The following CLEC2D variants were observed in gnomAD, a reference collection of about 807,000 sequenced individuals.
CLEC2D encodes the protein C-type lectin related f.
In CLEC2D, 16 loss-of-function variants were observed where a neutral mutation model predicts 20.0. The ratio of observed to expected loss-of-function variants is 0.80; its 90% CI spans 0.54 to 1.22. The LOEUF is 1.22. CLEC2D is among the 50% of genes most tolerant of loss of function. The probability of loss-of-function intolerance (pLI) is 0.00; values close to 1 mark genes in which losing one functional copy is unlikely to be tolerated. For synonymous variants in CLEC2D, 77 were observed against 71.1 expected (o/e 1.08, Z -0.42); for missense variants, 207 against 221.5 (o/e 0.93, Z 0.42).
chr12:9,688,172 A>G, intron 3 of CLEC2D, 86 bp downstream of exon 3: 1 of 1,306,532 alleles, frequency 7.7e-7, no homozygotes. Context: ...GTAGGTTTAG[A>G]CATCTGCTTT....
chr12:9,687,241 T>C (rs12312233), intron 2 of CLEC2D, among the ~76,000 whole-genome samples: 4,046 of 152,206 alleles, frequency 0.027, 194 homozygotes, highest in African/African-American at 0.093. Flanking sequence ...CATCTGTGAG[T>C]GATGGGAGAC....
intron 2 of CLEC2D, among the ~76,000 whole-genome samples, chr12:9,683,358 C>T (rs1865685578): frequency 1.2e-5 from 1 of 85,270 alleles, no homozygotes; most frequent in Non-Finnish European, 2.1e-5. Flanking sequence ...TTTTTTTGTG[C>T]AGAAGCTCTT....
At chr12:9,690,894 C>T (rs1477575101) in intron 3 of CLEC2D, among the ~76,000 whole-genome samples, 1 of 151,978 alleles carries the variant, frequency 6.6e-6, no homozygotes, top group Non-Finnish European at 1.5e-5. Flanking sequence ...AAAAGTAAAT[C>T]TTGTTTTAGT....
At chr12:9,675,546 A>G (rs567134084) in intron 1 of CLEC2D, among the ~76,000 whole-genome samples, 1 of 152,210 alleles carries the variant, frequency 6.6e-6, no homozygotes, top group Non-Finnish European at 1.5e-5. Flanking sequence ...CTGTAGTTTT[A>G]GAGTAAATCA....
chr12:9,685,707 A>C (rs1162220942), intron 2 of CLEC2D, among the ~76,000 whole-genome samples: 16 of 152,086 alleles, frequency 1.1e-4, no homozygotes, highest in Non-Finnish European at 2.4e-4. Flanking sequence ...ACCTCCCCTC[A>C]CCAAGCTTGA....
intron 1 of CLEC2D, among the ~76,000 whole-genome samples, chr12:9,678,243 T>G (rs997534074): frequency 1.3e-5 from 2 of 152,168 alleles, no homozygotes; most frequent in African/African-American, 4.8e-5. Context: ...CCTGATAAAT[T>G]TCCTTGCTTT....
chr12:9,678,060 C>CCG (rs1278278190), intron 1 of CLEC2D, among the ~76,000 whole-genome samples: 2 of 152,122 alleles, frequency 1.3e-5, no homozygotes, highest in Non-Finnish European at 2.9e-5. Context: ...GTTGAAATCT[C>CCG]CAACTATGAT....
intron 2 of CLEC2D, among the ~76,000 whole-genome samples, chr12:9,684,919 T>C (rs1205930532): frequency 6.6e-6 from 1 of 152,214 alleles, no homozygotes; most frequent in Non-Finnish European, 1.5e-5. Flanking sequence ...GAATTCCTTC[T>C]TTTTCTATTG....
In CLEC2D at chr12:9,695,868, T is replaced by TGAA. The variant is rs1865977716; in HGVS notation, c.*996_*997insAGA. On this transcript the variant is annotated 3_prime_UTR_variant, in exon 5 of 5. Transcript: ENST00000290855. ...TTGCTGCTGCTGCTGATGATGATGA[T>TGAA]GATGAAGATGATGATGATGATGATG... The TGAA allele has an allele frequency of 3.8e-6, 4 of 1,057,370 alleles. No individual in the cohort carries two copies. The highest frequency in any genetic ancestry group is 1.6e-5 in the African/African-American group (1 of 62,560). The allele number at this position is 1,057,370 out of a possible 1,614,324, so 65.5% of individuals were successfully genotyped here.
intron 2 of CLEC2D, 70 bp downstream of exon 2, chr12:9,681,103 T>TAACAA: frequency 1.2e-6 from 1 of 857,912 alleles, no homozygotes; most frequent in Non-Finnish European, 1.8e-6. Flanking sequence ...AGAATCTGAA[T>TAACAA]AATTTTGTTA....
Position 9,695,233 on chromosome 12 carries a change from G to A in CLEC2D, c.*359G>A. ...TGGCAGGCAGGGGGACTTGTGCACAGGAACTCCTATTTATACAACCATCAG... is the reference window on the plus strand; with the variant it reads ...TGGCAGGCAGGGGGACTTGTGCACAAGAACTCCTATTTATACAACCATCAG... On this transcript the variant is annotated 3_prime_UTR_variant, in exon 5 of 5. Transcript: ENST00000290855. 3.2e-6 allele frequency: 2 copies of A among 622,548 alleles called. No individual in the cohort carries two copies. Among genetic ancestry groups the A allele is most frequent in the East Asian group, 5.5e-5 (2 of 36,520 alleles). The allele number at this position is 622,548 out of a possible 1,614,324, so 38.6% of individuals were successfully genotyped here.
chr12:9,690,425 G>C (rs12810851), intron 3 of CLEC2D, among the ~76,000 whole-genome samples: 9,044 of 152,002 alleles, frequency 0.059, 314 homozygotes, highest in Non-Finnish European at 0.084. Flanking sequence ...CCAAAATAAA[G>C]AATATTCATA....
chr12:9,677,799 A>C (rs1000364152), intron 1 of CLEC2D, among the ~76,000 whole-genome samples: 1 of 145,904 alleles, frequency 6.9e-6, no homozygotes, highest in African/African-American at 2.6e-5. Context: ...ATCTCATCTC[A>C]TTTCAACCAC....
chr12:9,686,221 G>A (rs1436057606), intron 2 of CLEC2D, among the ~76,000 whole-genome samples: 1 of 151,720 alleles, frequency 6.6e-6, no homozygotes, highest in Non-Finnish European at 1.5e-5. Flanking sequence ...TGGTACCTCA[G>A]TTGGAAATGC....
chr12:9,687,577 T>C (rs1865775750), intron 2 of CLEC2D, among the ~76,000 whole-genome samples: 1 of 152,198 alleles, frequency 6.6e-6, no homozygotes, highest in Non-Finnish European at 1.5e-5. Flanking sequence ...GCTGATCAAA[T>C]GCTATCATTA....
At chr12:9,677,040 T>C (rs1865530980) in intron 1 of CLEC2D, among the ~76,000 whole-genome samples, 1 of 113,064 alleles carries the variant, frequency 8.8e-6, no homozygotes, top group Non-Finnish European at 1.9e-5. Flanking sequence ...TAGAGCCTTA[T>C]CCATTTTTTT....
In CLEC2D at chr12:9,687,968, T is replaced by C. The variant is rs755902998; in HGVS notation, c.239T>C (p.Ile80Thr). Residue 80 changes from isoleucine (I) to threonine (T), a missense_variant, in exon 3 of 5, where the codon ATT becomes ACT. Coordinates refer to ENST00000290855, the MANE Select transcript of CLEC2D (RefSeq NM_013269.6). ...CAAGCTGCATGCCCAGAAAGCTGGA[T>C]TGGTTTTCAAAGAAAGTGTTTCTAT... ...CLQAACPESW[I>T]GFQRKCFYFS... 1.9e-6 allele frequency: 3 copies of C among 1,612,308 alleles called. No homozygotes were observed. Among genetic ancestry groups the C allele is most frequent in the East Asian group, 2.2e-5 (1 of 44,600 alleles).
At chr12:9,670,861 C>G (rs917689713) in intron 1 of CLEC2D, among the ~76,000 whole-genome samples, 1 of 152,184 alleles carries the variant, frequency 6.6e-6, no homozygotes, top group African/African-American at 2.4e-5. Context: ...GTGCAATGCT[C>G]TACTCATTAG....
chr12:9,670,595 C>T (rs1405346011), intron 1 of CLEC2D, among the ~76,000 whole-genome samples: 1 of 152,162 alleles, frequency 6.6e-6, no homozygotes, highest in Non-Finnish European at 1.5e-5. Context: ...TTTTCTTTCC[C>T]CATGGAAGTT....
Sources: gnomAD v4.1 joint callset for allele counts (sites outside exome capture counted in the v4.1 genomes callset) on GRCh38, gnomAD v4.1.1 for gene constraint, MANE v1.5 for transcripts, NCBI Gene and HGNC (gene_info 2026-07-23, HGNC 2026-07-21) for gene names.